The following NAALADL2 variants were observed in gnomAD, a reference collection of about 807,000 sequenced individuals.
NAALADL2 encodes the protein inactive N-acetylated-alpha-linked acidic dipeptidase-like protein 2.
Under a neutral mutation model 87.2 loss-of-function variants are expected in NAALADL2, and 76 were observed. That is an observed-to-expected ratio of 0.87 (90% CI 0.72 to 1.05). NAALADL2 has a LOEUF of 1.05. Ranked by LOEUF, NAALADL2 falls within the 50% of genes least tolerant of loss-of-function variation. The pLI, the probability that NAALADL2 is intolerant of heterozygous loss-of-function variation, is 0.00. For synonymous variants in NAALADL2, 354 were observed against 331.0 expected (o/e 1.07, Z -0.75); for missense variants, 1,089 against 945.8 (o/e 1.15, Z -1.99).
At chr3:174,925,203 G>T (rs9681277) in intron 1 of NAALADL2, among the ~76,000 whole-genome samples, 20,098 of 152,012 alleles carry the variant, frequency 0.13, 1,581 homozygotes, top group African/African-American at 0.21. Context: ...TATGGTTTTA[G>T]GTCTAACATT....
chr3:175,354,913 CATAT>C (rs1378735508), intron 5 of NAALADL2, among the ~76,000 whole-genome samples: 1 of 149,428 alleles, frequency 6.7e-6, no homozygotes, highest in Non-Finnish European at 1.5e-5. Flanking sequence ...CATATACACA[CATAT>C]ATATGTGTGT....
At chr3:174,448,167 A>G (rs1200973518) in intron 1 of NAALADL2, among the ~76,000 whole-genome samples, 2 of 152,232 alleles carry the variant, frequency 1.3e-5, no homozygotes, top group East Asian at 3.8e-4. Context: ...GGAATTTGCC[A>G]GAATGGTATG....
intron 13 of NAALADL2, among the ~76,000 whole-genome samples, chr3:175,790,827 T>TTAAAC (rs1752692046): frequency 1.3e-5 from 2 of 152,242 alleles, no homozygotes; most frequent in East Asian, 3.8e-4. Context: ...TCTTTCACAC[T>TTAAAC]TAAACTATCA....
chr3:175,317,461 C>T (rs1759302066), intron 4 of NAALADL2, among the ~76,000 whole-genome samples: 1 of 151,854 alleles, frequency 6.6e-6, no homozygotes, highest in African/African-American at 2.4e-5. Flanking sequence ...CCTCCCTAGA[C>T]AGCTATTCTT....
intron 1 of NAALADL2, among the ~76,000 whole-genome samples, chr3:174,979,049 T>A (rs1744748116): frequency 6.6e-6 from 1 of 152,220 alleles, no homozygotes. Context: ...TCAGAAAAGA[T>A]GTTGCCTATT....
At chr3:175,198,350 G>A (rs1408153696) in intron 2 of NAALADL2, among the ~76,000 whole-genome samples, 2 of 151,820 alleles carry the variant, frequency 1.3e-5, no homozygotes, top group Non-Finnish European at 2.9e-5. Flanking sequence ...TTCTATTCCT[G>A]TATATTACTT....
At chr3:174,449,763 A>C (rs1715342354) in intron 1 of NAALADL2, among the ~76,000 whole-genome samples, 2 of 152,250 alleles carry the variant, frequency 1.3e-5, no homozygotes, top group South Asian at 4.1e-4. Flanking sequence ...ATAATGTTGA[A>C]ATTTTATACT....
chr3:174,976,926 G>T (rs1011978722), intron 1 of NAALADL2, among the ~76,000 whole-genome samples: 7 of 152,190 alleles, frequency 4.6e-5, no homozygotes, highest in Admixed American at 4.6e-4. Flanking sequence ...TATGTTTGGA[G>T]ATTTCATCTA....
intron 13 of NAALADL2, among the ~76,000 whole-genome samples, chr3:175,768,345 C>T (rs1412032516): frequency 1.3e-5 from 2 of 152,096 alleles, no homozygotes; most frequent in Admixed American, 1.3e-4. Context: ...TCCGTGTACT[C>T]CCAGGGCCTC....
intron 6 of NAALADL2, among the ~76,000 whole-genome samples, chr3:175,451,532 A>G (rs996894907): frequency 1.3e-5 from 2 of 152,152 alleles, no homozygotes; most frequent in African/African-American, 2.4e-5. Flanking sequence ...TAATTTTCAC[A>G]TATCAATCTG....
intron 3 of NAALADL2, among the ~76,000 whole-genome samples, chr3:174,817,517 A>C (rs1364694811): frequency 6.6e-6 from 1 of 152,170 alleles, no homozygotes; most frequent in South Asian, 2.1e-4. Context: ...TGGGGGGATC[A>C]CTTGAGCACG....
rs55668165 is a variant in NAALADL2 at position 175,762,192 on chromosome 3, A to ATT, written c.2189+6788_2189+6789dup. Among the ~76,000 whole-genome samples the ATT allele has an allele frequency of 3.8e-4, 43 of 114,128 alleles. 2 individuals are homozygous for ATT. Among genetic ancestry groups the ATT allele is most frequent in the African/African-American group, 1.3e-3 (40 of 29,646 alleles). 74.9% of individuals were successfully genotyped at this position (114,128 alleles called of 152,430 possible). On this transcript the variant is annotated intron_variant, in intron 13 of 13. Coordinates refer to ENST00000454872, the MANE Select transcript of NAALADL2 (RefSeq NM_207015.3). ...TGAAAAGGATAAGGTCTGTGTTTCG[A>ATT]TTTTTTTTTTTTTTTGCATGTAGAT...
rs181387663 is a variant in NAALADL2 at position 175,031,625 on chromosome 3, G to A, written c.44-65165G>A. Among the ~76,000 whole-genome samples the A allele has an allele frequency of 3.4e-3, 510 of 152,070 alleles. 14 individuals carry two copies. The highest frequency in any genetic ancestry group is 0.032 in the Admixed American group (480 of 15,226). On this transcript the variant is annotated intron_variant, in intron 1 of 13. Transcript: ENST00000454872. Reference sequence around the variant, plus strand: ...GGTAGAACGATTTATTTTCTTTTGAGTATATACCCAGTAGTGAGATTGCTG... The same window carrying A: ...GGTAGAACGATTTATTTTCTTTTGAATATATACCCAGTAGTGAGATTGCTG...
At chr3:175,561,950 C>A (rs543600158) in intron 9 of NAALADL2, among the ~76,000 whole-genome samples, 6 of 152,256 alleles carry the variant, frequency 3.9e-5, no homozygotes, top group Non-Finnish European at 1.5e-5. Flanking sequence ...AAGTGAGATG[C>A]CAAGGTGGCA....
chr3:175,197,140 C>G (rs908950852), intron 2 of NAALADL2, among the ~76,000 whole-genome samples: 1 of 151,860 alleles, frequency 6.6e-6, no homozygotes, highest in Non-Finnish European at 1.5e-5. Flanking sequence ...GCAATAGCAA[C>G]AGGAGGTGGC....
intron 11 of NAALADL2, among the ~76,000 whole-genome samples, chr3:175,635,320 TAA>T (rs1233108558): frequency 6.6e-6 from 1 of 152,104 alleles, no homozygotes; most frequent in Non-Finnish European, 1.5e-5. Flanking sequence ...ATCATCAAAG[TAA>T]ATACTTCACA....
At chr3:174,828,564 T>TAAAAC (rs963323240) in intron 3 of NAALADL2, among the ~76,000 whole-genome samples, 4 of 152,164 alleles carry the variant, frequency 2.6e-5, no homozygotes, top group South Asian at 4.1e-4. Flanking sequence ...TGAAACTAAT[T>TAAAAC]AAAACAAAAC....
chr3:174,720,165 T>G lies in NAALADL2; in HGVS notation c.-114-17476T>G, dbSNP rs187992389. Among the ~76,000 whole-genome samples the G allele has an allele frequency of 3.0e-3, 455 of 152,278 alleles. 2 individuals carry two copies. The highest frequency in any genetic ancestry group is 0.011 in the African/African-American group (438 of 41,566). On this transcript the variant is annotated intron_variant, in intron 2 of 3. Coordinates refer to the NAALADL2 transcript ENST00000434257. The stretch of plus-strand genomic sequence containing the variant: ...TTTATGAAAGACAATCCAGTTTTTA[T>G]TTTACGTCAAACAAGGGATTATTTA...
intron 2 of NAALADL2, chr3:175,115,109 G>C (rs1724882145): frequency 6.6e-6 from 1 of 151,456 alleles, no homozygotes; most frequent in Non-Finnish European, 1.5e-5. Flanking sequence ...TACTTAACCT[G>C]TCATATTTTT....
Sources: gnomAD v4.1 joint callset for allele counts (sites outside exome capture counted in the v4.1 genomes callset) on GRCh38, gnomAD v4.1.1 for gene constraint, MANE v1.5 for transcripts, NCBI Gene and HGNC (gene_info 2026-07-23, HGNC 2026-07-21) for gene names.